GRM7: variants seen among roughly 807,000 people sequenced by gnomAD.
The protein encoded by GRM7 is glutamate metabotropic receptor 7, also known as metabotropic glutamate receptor 7.
In GRM7, 35 loss-of-function variants were observed where a neutral mutation model predicts 84.5. That is an observed-to-expected ratio of 0.41 (90% CI 0.32 to 0.55). GRM7 has a LOEUF of 0.55. GRM7 is among the 20% of genes least tolerant of loss of function. GRM7 has a pLI of 0.19. For synonymous variants in GRM7, 487 were observed against 455.1 expected, an observed-to-expected ratio of 1.07 and a Z score of -0.89; for missense variants, 1,003 against 1,194.6, an observed-to-expected ratio of 0.84 and a Z score of 2.36.
At chr3:7,325,675 T>C (rs1240561247) in intron 4 of GRM7, among the ~76,000 whole-genome samples, 2 of 152,198 alleles carry the variant, frequency 1.3e-5, no homozygotes, top group Non-Finnish European at 2.9e-5. Flanking sequence ...CTAAATGGTG[T>C]TGACATAACC....
At chr3:7,510,939 C>G (rs2124977086) in intron 7 of GRM7, among the ~76,000 whole-genome samples, 1 of 152,228 alleles carries the variant, frequency 6.6e-6, no homozygotes, top group South Asian at 2.1e-4. Flanking sequence ...AATATTTACT[C>G]CCAGGTCCTT....
intron 3 of GRM7, among the ~76,000 whole-genome samples, chr3:7,303,876 A>G (rs1195912001): frequency 1.3e-5 from 2 of 150,502 alleles, no homozygotes; most frequent in Non-Finnish European, 3.0e-5. Context: ...TCTGGACCCT[A>G]ACTGAATTTT....
chr3:7,583,188 A>G (rs1480982436), intron 8 of GRM7, among the ~76,000 whole-genome samples: 2 of 152,188 alleles, frequency 1.3e-5, no homozygotes, highest in East Asian at 3.9e-4. Context: ...AAAAGTCAGG[A>G]CCAAGTCCCT....
chr3:7,183,887 A>T (rs567922760), intron 2 of GRM7, among the ~76,000 whole-genome samples: 1 of 152,210 alleles, frequency 6.6e-6, no homozygotes, highest in Non-Finnish European at 1.5e-5. Flanking sequence ...ATCTTCAGAG[A>T]AGAAGAGAGA....
At chr3:6,945,235 C>A (rs1325094496) in intron 1 of GRM7, among the ~76,000 whole-genome samples, 1 of 150,446 alleles carries the variant, frequency 6.6e-6, no homozygotes, top group East Asian at 2.0e-4. Flanking sequence ...ACAACAGTCC[C>A]CAGTGTGTGA....
At chr3:7,396,347 A>G (rs1695211693) in intron 4 of GRM7, among the ~76,000 whole-genome samples, 1 of 152,218 alleles carries the variant, frequency 6.6e-6, no homozygotes, top group Admixed American at 6.6e-5. Flanking sequence ...TAGCAAAAAA[A>G]AAGTATCCCT....
At chr3:7,610,739 G>T (rs1333368909) in intron 8 of GRM7, among the ~76,000 whole-genome samples, 1 of 152,164 alleles carries the variant, frequency 6.6e-6, no homozygotes, top group Admixed American at 6.5e-5. Flanking sequence ...GGCTTCCACG[G>T]CCTCCCGATA....
chr3:6,973,656 AGAG>A (rs1181900426), intron 1 of GRM7, among the ~76,000 whole-genome samples: 4 of 152,218 alleles, frequency 2.6e-5, no homozygotes, highest in African/African-American at 9.6e-5. Flanking sequence ...AAGTGATTCA[AGAG>A]ACTTACTGCA....
intron 7 of GRM7, among the ~76,000 whole-genome samples, chr3:7,516,578 A>G (rs1335754533): frequency 6.6e-6 from 1 of 151,808 alleles, no homozygotes; most frequent in Non-Finnish European, 1.5e-5. Flanking sequence ...TGGTATAACC[A>G]GCAACTTTAG....
At chr3:7,738,896 A>C (rs1702595387) in intron 9 of GRM7, among the ~76,000 whole-genome samples, 1 of 152,144 alleles carries the variant, frequency 6.6e-6, no homozygotes, top group African/African-American at 2.4e-5. Flanking sequence ...CCTTGTACCC[A>C]AACCAAGCGT....
intron 7 of GRM7, among the ~76,000 whole-genome samples, chr3:7,531,114 T>C (rs1701020478): frequency 6.6e-6 from 1 of 152,216 alleles, no homozygotes. Flanking sequence ...CTTGAGTTAA[T>C]TTTTGTATAA....
intron 8 of GRM7, among the ~76,000 whole-genome samples, chr3:7,620,996 T>C (rs1195976662): frequency 6.6e-6 from 1 of 152,092 alleles, no homozygotes; most frequent in Admixed American, 6.6e-5. Context: ...TTCCAGGGTG[T>C]CGTAGTCTTA....
chr3:7,045,671 A>G (rs1210228475), intron 1 of GRM7, among the ~76,000 whole-genome samples: 1 of 152,136 alleles, frequency 6.6e-6, no homozygotes, highest in Non-Finnish European at 1.5e-5. Flanking sequence ...ATTTCACTTA[A>G]CATAATGACT....
chr3:7,686,219 T>C (rs75195180), intron 9 of GRM7: 3 of 522,888 alleles, frequency 5.7e-6, no homozygotes, highest in Non-Finnish European at 1.0e-5. Context: ...CCAAAGGATA[T>C]TGAACCCACC....
chr3:7,636,351 G>A, intron 8 of GRM7: 1 of 453,916 alleles, frequency 2.2e-6, no homozygotes, highest in South Asian at 1.6e-5. Flanking sequence ...CGGGGCCTCT[G>A]TCCTATTTAT....
chr3:7,359,150 T>C lies in GRM7; in HGVS notation c.1033+52498T>C, dbSNP rs192531962. ...AAAGAAAAAAAGAAAGGAATTGCCT[T>C]AGGTCTAGGTCTATGTATTTTATTT... On this transcript the variant is annotated intron_variant, in intron 4 of 9. Transcript: ENST00000357716. Among the ~76,000 whole-genome samples the C allele has an allele frequency of 6.3e-3, 715 of 114,216 alleles. 48 individuals carry two copies. Among genetic ancestry groups the C allele is most frequent in the South Asian group, 0.013 (43 of 3,268 alleles). The allele number at this position is 114,216 out of a possible 152,430, so 74.9% of individuals were successfully genotyped here.
At chr3:7,152,581 T>C (rs2125071203) in intron 2 of GRM7, among the ~76,000 whole-genome samples, 1 of 152,322 alleles carries the variant, frequency 6.6e-6, no homozygotes, top group African/African-American at 2.4e-5. Context: ...GCGGATATTC[T>C]TTGCCTTTGC....
At chr3:6,891,814 A>T (rs1273792386) in intron 1 of GRM7, among the ~76,000 whole-genome samples, 3 of 152,140 alleles carry the variant, frequency 2.0e-5, no homozygotes, top group African/African-American at 7.2e-5. Flanking sequence ...CCTTTATAAT[A>T]TCCTGCAGAG....
chr3:7,006,151 T>G (rs931400786), intron 1 of GRM7, among the ~76,000 whole-genome samples: 1 of 152,202 alleles, frequency 6.6e-6, no homozygotes, highest in Non-Finnish European at 1.5e-5. Flanking sequence ...GAGTAGGACT[T>G]TCCATCTATA....
Sources: allele counts gnomAD v4.1 joint callset (sites outside exome capture counted in the v4.1 genomes callset), GRCh38; gene constraint gnomAD v4.1.1; transcripts MANE v1.5; gene names NCBI Gene and HGNC (gene_info 2026-07-23, HGNC 2026-07-21).